The following AHR variants were observed in gnomAD, a reference collection of about 807,000 sequenced individuals.
AHR encodes AH-receptor.
In AHR, 40 loss-of-function variants were observed where a neutral mutation model predicts 86.8. The observed-to-expected ratio is 0.46, with a 90% CI of 0.36 to 0.60. The LOEUF is 0.60. Ranked by LOEUF, AHR falls within the 20% of genes least tolerant of loss-of-function variation. The pLI is 0.00. For missense variants in AHR, 1,001 were observed against 1,011.6 expected, an observed-to-expected ratio of 0.99 and a Z score of 0.14; for synonymous variants, 398 against 354.9, an observed-to-expected ratio of 1.12 and a Z score of -1.37.
At chr7:17,328,574 A>G (rs926605895) in intron 4 of AHR, among the ~76,000 whole-genome samples, 1 of 151,968 alleles carries the variant, frequency 6.6e-6, no homozygotes, top group Non-Finnish European at 1.5e-5. Flanking sequence ...AGACCTTGAT[A>G]AAACTTGGTC....
intron 3 of AHR, among the ~76,000 whole-genome samples, chr7:17,325,372 G>A (rs915792313): frequency 1.3e-5 from 2 of 152,128 alleles, no homozygotes; most frequent in Non-Finnish European, 2.9e-5. Flanking sequence ...TTGTTTCACT[G>A]TTTGAAAAAG....
chr7:17,332,690 G>T (rs887556104), intron 6 of AHR, among the ~76,000 whole-genome samples: 2 of 151,952 alleles, frequency 1.3e-5, no homozygotes, highest in African/African-American at 4.8e-5. Flanking sequence ...AGTTAAAAAT[G>T]CAAAAGTTTA....
At chr7:17,310,495 G>A (rs575370692) in intron 2 of AHR, among the ~76,000 whole-genome samples, 29 of 149,736 alleles carry the variant, frequency 1.9e-4, no homozygotes, top group African/African-American at 6.9e-4. Flanking sequence ...TCATAGACAT[G>A]TCATTTTATT....
In AHR at chr7:17,322,533, G is replaced by A. The variant is rs766592204; in HGVS notation, c.286G>A (p.Gly96Arg). The change falls in exon 3 of 11, where the codon GGA (glycine) becomes AGA (arginine). Residue 96 changes from glycine to arginine, a missense_variant. Gly to Arg is a moderately radical substitution (Grantham distance 125). Around this residue, in one of 2 missense-constraint regions of AHR, gnomAD observed 394 missense variants for 468.5 expected, o/e 0.84. Coordinates refer to ENST00000242057, the MANE Select transcript of AHR (RefSeq NM_001621.5). ...AAAATCCTCCCCTACTGAAAGAAAC[G>A]GAGGCCAGGATAACTGTAGAGCAGC... ...ALKSSPTERN[G>R]GQDNCRAANF... 42 of 1,612,360 alleles carry A rather than the reference G, an allele frequency of 2.6e-5. 1 individual carries two copies. The highest frequency in any genetic ancestry group is 4.4e-5 in the South Asian group (4 of 90,894).
chr7:17,315,797 T>A (rs1220872216), intron 2 of AHR, among the ~76,000 whole-genome samples: 1 of 151,964 alleles, frequency 6.6e-6, no homozygotes, highest in Non-Finnish European at 1.5e-5. Context: ...TTTTATTTGG[T>A]AATATTTGTA....
Position 17,339,545 on chromosome 7 carries a change from G to T in AHR, c.1720G>T (p.Asp574Tyr). ...TTTTTCTGGTGAGGTTGACTTCAGA[G>T]ACATTGACTTAACGGATGAAATCCT... ...NDFSGEVDFR[D>Y]IDLTDEILTY... The change falls in exon 10 of 11, where the codon GAC becomes TAC. Residue 574 changes from aspartate (D) to tyrosine (Y), a missense_variant. Around this residue, in one of 2 missense-constraint regions of AHR, gnomAD observed 607 missense variants for 543.1 expected, o/e 1.12. Transcript: ENST00000242057. 6.2e-7 allele frequency: 1 copy of T among 1,614,180 alleles called. No homozygotes were observed. Among genetic ancestry groups the T allele is most frequent in the Non-Finnish European group, 8.5e-7 (1 of 1,180,034 alleles).
At chr7:17,302,826 T>A (rs1221714867) in intron 1 of AHR, among the ~76,000 whole-genome samples, 2 of 151,444 alleles carry the variant, frequency 1.3e-5, no homozygotes, top group African/African-American at 4.8e-5. Context: ...TATATATATA[T>A]AAACTGTGAA....
intron 2 of AHR, among the ~76,000 whole-genome samples, chr7:17,310,993 A>G: frequency 6.6e-6 from 1 of 152,246 alleles, no homozygotes; most frequent in South Asian, 2.1e-4. Context: ...CAAACCAGGT[A>G]GCATCCCCGT....
chr7:17,328,969 G>T (rs1190311772), intron 4 of AHR, among the ~76,000 whole-genome samples: 2 of 151,862 alleles, frequency 1.3e-5, no homozygotes, highest in East Asian at 3.8e-4. Context: ...CCATAGAAAA[G>T]CCTGTTTGAA....
rs1041663769 is a variant in AHR at position 17,333,970 on chromosome 7, A to G, written c.764A>G (p.Asp255Gly). 1.9e-6 allele frequency: 3 copies of G among 1,613,432 alleles called. No individual in the cohort carries two copies. The highest frequency in any genetic ancestry group is 1.3e-5 in the African/African-American group (1 of 74,898). ...YLHGQKKKGK[D>G]GSILPPQLAL... The stretch of plus-strand genomic sequence containing the variant: ...CATGGACAGAAAAAGAAAGGGAAAG[A>G]TGGATCAATACTTCCACCTCAGTTG... Residue 255 changes from aspartate (D) to glycine (G), a missense_variant, in exon 7 of 11, where the codon GAT becomes GGT. Coordinates refer to ENST00000242057, the MANE Select transcript of AHR (RefSeq NM_001621.5).
At chr7:17,308,080 C>G (rs545839449) in intron 1 of AHR, among the ~76,000 whole-genome samples, 2 of 152,276 alleles carry the variant, frequency 1.3e-5, no homozygotes, top group Non-Finnish European at 2.9e-5. Context: ...GTTTATTTCT[C>G]CATCCTCCAC....
intron 3 of AHR, among the ~76,000 whole-genome samples, chr7:17,326,242 AGTT>A (rs1273079245): frequency 3.9e-5 from 6 of 152,224 alleles, no homozygotes; most frequent in Non-Finnish European, 5.9e-5. Flanking sequence ...ACTAAATAAT[AGTT>A]GTTATCTTTG....
intron 2 of AHR, among the ~76,000 whole-genome samples, chr7:17,316,352 C>T (rs137954199): frequency 2.0e-5 from 3 of 152,294 alleles, no homozygotes; most frequent in African/African-American, 7.2e-5. Context: ...GGCTCTGTGG[C>T]TCATGCCTGT....
chr7:17,335,355 C>T (rs189823341), intron 8 of AHR, among the ~76,000 whole-genome samples: 94 of 151,958 alleles, frequency 6.2e-4, no homozygotes, highest in African/African-American at 2.2e-3. Flanking sequence ...GGAAAATATT[C>T]CCTATTTAAA....
At chr7:17,334,865 T>C in intron 7 of AHR, 22 bp from the exon 8 acceptor site, 1 of 1,525,594 alleles carries the variant, frequency 6.6e-7, no homozygotes, top group Non-Finnish European at 9.0e-7. Flanking sequence ...ATTCTTATTT[T>C]ACCTTTTTTT....
chr7:17,326,348 A>G (rs1782229954), intron 3 of AHR, among the ~76,000 whole-genome samples: 1 of 152,226 alleles, frequency 6.6e-6, no homozygotes, highest in Admixed American at 6.5e-5. Flanking sequence ...TATTTCATTT[A>G]TTTCATCTGA....
chr7:17,343,153 C>A lies in AHR; in HGVS notation c.*89C>A. ...TAAAACTGTCACTGTTGGACGTCAG[C>A]AAGTTCACATGGAGGCATTGATGCA... On this transcript the variant is annotated 3_prime_UTR_variant, in exon 11 of 11. Transcript: ENST00000242057. 1 of 1,465,078 alleles carries A rather than the reference C, an allele frequency of 6.8e-7. No homozygotes were observed. The highest frequency in any genetic ancestry group is 9.5e-7 in the Non-Finnish European group (1 of 1,052,542). 90.8% of individuals were successfully genotyped at this position (1,465,078 alleles called of 1,614,324 possible).
At chr7:17,310,755 C>G (rs573151034) in intron 2 of AHR, among the ~76,000 whole-genome samples, 1 of 152,210 alleles carries the variant, frequency 6.6e-6, no homozygotes, top group Non-Finnish European at 1.5e-5. Context: ...AGGCTGCTCT[C>G]AAACTCCTGA....
At chr7:17,309,703 T>C (rs956565817) in intron 1 of AHR, among the ~76,000 whole-genome samples, 11 of 152,186 alleles carry the variant, frequency 7.2e-5, no homozygotes, top group Admixed American at 7.2e-4. Context: ...TAAGCAAACA[T>C]TTTCCTATGA....
Sources: allele counts gnomAD v4.1 joint callset (sites outside exome capture counted in the v4.1 genomes callset), GRCh38; gene constraint gnomAD v4.1.1; regional missense constraint gnomAD v4.1.1; transcripts MANE v1.5; gene names NCBI Gene and HGNC (gene_info 2026-07-23, HGNC 2026-07-21).